The following ENPP2 variants were observed in gnomAD, a reference collection of about 807,000 sequenced individuals.
The protein encoded by ENPP2 is autotaxin.
In ENPP2, 51 loss-of-function variants were observed where a neutral mutation model predicts 120.2. That is an observed-to-expected ratio of 0.42 (90% CI 0.34 to 0.54). The LOEUF (loss-of-function observed/expected upper bound fraction) is 0.54, where lower values mean the gene tolerates loss of function less well. Ranked by LOEUF, ENPP2 falls within the 20% of genes least tolerant of loss-of-function variation. ENPP2 has a pLI of 0.04. For missense variants in ENPP2, 920 were observed against 1,066.5 expected, an observed-to-expected ratio of 0.86 and a Z score of 1.91; for synonymous variants, 365 against 366.4, an observed-to-expected ratio of 1.00 and a Z score of 0.04.
rs187842160 is a variant in ENPP2 at position 119,612,966 on chromosome 8, T to G, written c.777+3299A>C. Among the ~76,000 whole-genome samples, 74 of 152,324 alleles carry G rather than the reference T, an allele frequency of 4.9e-4. 1 individual carries two copies. The highest frequency in any genetic ancestry group is 1.7e-3 in the African/African-American group (71 of 41,582). The stretch of plus-strand genomic sequence containing the variant: ...AACACCTTACTCCAGAAATGCTGAC[T>G]TCAGGAGACTTGGATCATGATGGGG... On this transcript the variant is annotated intron_variant, in intron 8 of 24. Transcript: ENST00000075322.
intron 1 of ENPP2, among the ~76,000 whole-genome samples, chr8:119,667,676 A>G (rs771828893): frequency 2.0e-5 from 3 of 152,182 alleles, no homozygotes; most frequent in Admixed American, 6.5e-5. Context: ...TTTCTTGCTT[A>G]TATGACACAG....
intron 11 of ENPP2, among the ~76,000 whole-genome samples, chr8:119,596,174 A>G (rs1813884653): frequency 6.6e-6 from 1 of 152,210 alleles, no homozygotes; most frequent in Non-Finnish European, 1.5e-5. Flanking sequence ...CTATGGAGAG[A>G]AGCCTCCTAA....
At position 119,569,266 on chromosome 8, in the gene ENPP2, C is replaced by T. The variant is rs375269213; in HGVS notation, c.2022G>A (p.Lys674=). 6.2e-7 allele frequency: 1 copy of T among 1,613,952 alleles called. No homozygotes were observed. The highest frequency in any genetic ancestry group is 1.3e-5 in the African/African-American group (1 of 74,912). The stretch of plus-strand genomic sequence containing the variant: ...GAAAGAGGAATCCGTAGGACATCTG[C>T]TTATCATTTTTGTAGGCCAAACAGT... ...SQNCLAYKND[K]QMSYGFLFPP... is the part of the protein sequence containing the mutation. The change falls in exon 21 of 25, where the codon AAG becomes AAA. Residue 674 remains lysine, a synonymous_variant. Transcript: ENST00000075322.
At chr8:119,626,866 G>A in intron 2 of ENPP2, 146 bp from the exon 3 acceptor site, 2 of 680,906 alleles carry the variant, frequency 2.9e-6, no homozygotes, top group Non-Finnish European at 4.9e-6. Context: ...ATGTACTCTG[G>A]GCAGGTTGCC....
At chr8:119,571,763 A>G (rs1815003731) in intron 19 of ENPP2, 1 of 153,356 alleles carries the variant, frequency 6.5e-6, no homozygotes, top group African/African-American at 2.4e-5. Context: ...AAAAAAATAA[A>G]TTCTTGTACT....
chr8:119,571,393 A>T (rs1390079588), intron 19 of ENPP2: 1 of 152,260 alleles, frequency 6.6e-6, no homozygotes, highest in East Asian at 1.9e-4. Context: ...TTAAAGGAAC[A>T]TGTATAGATA....
chr8:119,646,061 T>C (rs1172232806), intron 1 of ENPP2, among the ~76,000 whole-genome samples: 2 of 151,558 alleles, frequency 1.3e-5, no homozygotes, highest in Admixed American at 6.6e-5. Context: ...CTCCGCCTCC[T>C]GGGTTCAAGC....
intron 1 of ENPP2, among the ~76,000 whole-genome samples, chr8:119,672,412 G>C (rs1818277304): frequency 6.6e-6 from 1 of 152,102 alleles, no homozygotes; most frequent in Admixed American, 6.5e-5. Flanking sequence ...AGCGGCTCTT[G>C]CTTCACTTGT....
chr8:119,570,694 T>G lies in ENPP2; in HGVS notation c.1917+11A>C. 6.8e-7 allele frequency: 1 copy of G among 1,477,218 alleles called. No homozygotes were observed. Among genetic ancestry groups the G allele is most frequent in the Non-Finnish European group, 9.1e-7 (1 of 1,098,966 alleles). The allele number at this position is 1,477,218 out of a possible 1,614,324, so 91.5% of individuals were successfully genotyped here. ...AAAATAAAAAATATAAAATCCAATT[T>G]TCTCAATGACCTGTTTGGAAACAGT... On this transcript the variant is annotated intron_variant, in intron 20 of 24. Coordinates refer to ENST00000075322, the MANE Select transcript of ENPP2 (RefSeq NM_001040092.3).
At chr8:119,614,649 G>A (rs953910738) in intron 8 of ENPP2, among the ~76,000 whole-genome samples, 1 of 152,098 alleles carries the variant, frequency 6.6e-6, no homozygotes, top group South Asian at 2.1e-4. Flanking sequence ...TCAACACTTG[G>A]TGTAAGGTGA....
At chr8:119,578,776 G>A (rs772392812) in intron 19 of ENPP2, among the ~76,000 whole-genome samples, 3 of 152,160 alleles carry the variant, frequency 2.0e-5, no homozygotes, top group Non-Finnish European at 2.9e-5. Context: ...GATTCATTCC[G>A]TTCTGTGCCA....
At chr8:119,663,957 T>TCTCAA (rs1364859558) in intron 1 of ENPP2, among the ~76,000 whole-genome samples, 1 of 152,174 alleles carries the variant, frequency 6.6e-6, no homozygotes, top group Non-Finnish European at 1.5e-5. Flanking sequence ...AGTCAAACTG[T>TCTCAA]GTACTGAGAA....
chr8:119,624,967 T>C (rs1226722070), intron 3 of ENPP2, among the ~76,000 whole-genome samples: 2 of 152,222 alleles, frequency 1.3e-5, no homozygotes, highest in South Asian at 2.1e-4. Flanking sequence ...GGAAATGGAC[T>C]ATAAGATATT....
chr8:119,572,402 CATACGCA>C (rs1815075161), intron 19 of ENPP2, among the ~76,000 whole-genome samples: 1 of 152,146 alleles, frequency 6.6e-6, no homozygotes, highest in South Asian at 2.1e-4. Context: ...GCCATGTTCC[CATACGCA>C]ATACCCCTCC....
At chr8:119,661,781 A>G (rs1817927520) in intron 1 of ENPP2, among the ~76,000 whole-genome samples, 1 of 152,210 alleles carries the variant, frequency 6.6e-6, no homozygotes, top group South Asian at 2.1e-4. Flanking sequence ...GTGTCCATCA[A>G]CAGATGAATT....
chr8:119,589,320 T>A (rs541298087), intron 13 of ENPP2, among the ~76,000 whole-genome samples: 63 of 152,332 alleles, frequency 4.1e-4, no homozygotes, highest in Non-Finnish European at 7.8e-4. Context: ...CACCCCATGC[T>A]ACTGTCTCCC....
At chr8:119,664,247 C>T (rs1818006560) in intron 1 of ENPP2, among the ~76,000 whole-genome samples, 1 of 152,174 alleles carries the variant, frequency 6.6e-6, no homozygotes, top group African/African-American at 2.4e-5. Flanking sequence ...TGAAGACGAA[C>T]ACATTAAGTT....
At chr8:119,659,230 T>C (rs936448407) in intron 1 of ENPP2, among the ~76,000 whole-genome samples, 2 of 150,784 alleles carry the variant, frequency 1.3e-5, no homozygotes, top group Non-Finnish European at 2.9e-5. Flanking sequence ...GATATAAGAA[T>C]TGCTTGTACC....
rs1269091542 is a variant in ENPP2, at chr8:119,562,994, T to G, written c.2284A>C (p.Ile762Leu). The G allele has an allele frequency of 6.2e-7, 1 of 1,613,716 alleles. No individual in the cohort carries two copies. The highest frequency in any genetic ancestry group is 1.7e-5 in the Admixed American group (1 of 59,962). Residue 762 changes from isoleucine to leucine, a missense_variant, in exon 24 of 25, where the codon ATT becomes CTT. Transcript: ENST00000075322. ...CTGTAGTAGTGAGTTGGAACAGGAA[T>G]GGAACTGCCTTCCACGTACCTGAAA... is the stretch of plus-strand genomic sequence containing the variant. ...KIKQYVEGSS[I>L]PVPTHYYSII...
Sources: gnomAD v4.1 joint callset for allele counts (sites outside exome capture counted in the v4.1 genomes callset) on GRCh38, gnomAD v4.1.1 for gene constraint, MANE v1.5 for transcripts, NCBI Gene and HGNC (gene_info 2026-07-23, HGNC 2026-07-21) for gene names.